Variants in LRP1B observed in about 807,000 individuals in gnomAD.
The protein encoded by LRP1B is LDL receptor related protein 1B, also known as low-density lipoprotein receptor-related protein 1B.
A neutral mutation model predicts 556.6 loss-of-function variants in LRP1B; 217 were observed. The observed-to-expected ratio is 0.39, with a 90% CI of 0.35 to 0.44. The LOEUF is 0.44. Among genes scored for constraint, LRP1B ranks in the 20% least tolerant of loss-of-function variants. The pLI is 1.00. For missense variants in LRP1B, 5,053 were observed against 5,620.8 expected, an observed-to-expected ratio of 0.90 and a Z score of 3.23; for synonymous variants, 2,047 against 1,865.8, an observed-to-expected ratio of 1.10 and a Z score of -2.50.
At chr2:141,757,029 T>C in intron 2 of LRP1B, among the ~76,000 whole-genome samples, 1 of 152,166 alleles carries the variant, frequency 6.6e-6, no homozygotes. Flanking sequence ...TATTTTTGCC[T>C]TTAGAAGCAT....
intron 87 of LRP1B, among the ~76,000 whole-genome samples, chr2:140,246,691 C>A (rs542704583): frequency 6.6e-6 from 1 of 151,604 alleles, no homozygotes; most frequent in South Asian, 2.1e-4. Context: ...CCCCCCAAGA[C>A]ACATTGAAAT....
At chr2:141,044,954 T>TA (rs1246672311) in intron 11 of LRP1B, among the ~76,000 whole-genome samples, 2 of 150,646 alleles carry the variant, frequency 1.3e-5, no homozygotes, top group Admixed American at 1.3e-4. Flanking sequence ...CATGCTGCTA[T>TA]AAAGACACAG....
chr2:140,887,887 G>A (rs922514107), intron 23 of LRP1B, among the ~76,000 whole-genome samples: 12 of 152,096 alleles, frequency 7.9e-5, no homozygotes, highest in East Asian at 1.9e-4. Flanking sequence ...TTCTAGGGCC[G>A]AGGGTAGGTA....
chr2:142,110,198 T>C (rs1248379170), intron 1 of LRP1B, among the ~76,000 whole-genome samples: 1 of 152,120 alleles, frequency 6.6e-6, no homozygotes, highest in Admixed American at 6.6e-5. Context: ...TTTCAAGAAG[T>C]AAAGTGGTAC....
At chr2:141,445,291 T>G (rs1681144655) in intron 3 of LRP1B, among the ~76,000 whole-genome samples, 1 of 152,232 alleles carries the variant, frequency 6.6e-6, no homozygotes, top group African/African-American at 2.4e-5. Context: ...TATCATTTTT[T>G]ATTGTGTCTA....
In LRP1B at chr2:141,229,410, A is replaced by G. The variant is rs1243252520; in HGVS notation, c.623T>C (p.Ile208Thr). Residue 208 changes from isoleucine (I) to threonine (T), a missense_variant, in exon 6 of 91, where the codon ATT becomes ACT. Ile to Thr is a moderately conservative substitution (Grantham distance 89). Around this residue, in one of 5 missense-constraint regions of LRP1B, gnomAD observed 3,619 missense variants for 3,931.9 expected, o/e 0.92. Transcript: ENST00000389484. Reference protein sequence around the residue: ...EPTDRPPILLIANFETIEVFY... With the variant: ...EPTDRPPILLTANFETIEVFY... ...AACCTCAATTGTTTCAAAATTTGCA[A>G]TTAATAGTATAGGTGGTCTATCTGT... 1 of 1,594,558 alleles carries G rather than the reference A, an allele frequency of 6.3e-7. No individual in the cohort carries two copies. Among genetic ancestry groups the G allele is most frequent in the African/African-American group, 1.3e-5 (1 of 74,392 alleles).
At chr2:140,249,825 A>G (rs11674722) in intron 86 of LRP1B, among the ~76,000 whole-genome samples, 22,063 of 151,826 alleles carry the variant, frequency 0.15, 2,062 homozygotes, top group East Asian at 0.32. Context: ...TATTTTTGTC[A>G]TCTTTATAGC....
chr2:141,652,993 G>T (rs1164262366), intron 2 of LRP1B, among the ~76,000 whole-genome samples: 1 of 152,102 alleles, frequency 6.6e-6, no homozygotes, highest in Admixed American at 6.6e-5. Context: ...GATGAGTGTT[G>T]CTTCTATATT....
At chr2:140,277,787 G>A (rs368503666) in intron 84 of LRP1B, among the ~76,000 whole-genome samples, 36 of 152,038 alleles carry the variant, frequency 2.4e-4, no homozygotes, top group African/African-American at 7.0e-4. Context: ...TCGTGGGAGA[G>A]AATGTTGGTG....
At position 141,005,299 on chromosome 2, in the gene LRP1B, C is replaced by A. The variant is rs769938662; in HGVS notation, c.2503+36G>T. On this transcript the variant is annotated intron_variant, in intron 15 of 90. Transcript: ENST00000389484. ...CTGCTTCTAGTCTTCAGAAAGAGCC[C>A]GATAAACAAATAAGGGTAACTTGAA... The A allele has an allele frequency of 1.7e-5, 27 of 1,600,006 alleles. No individual in the cohort carries two copies. In the South Asian group the frequency reaches 3.0e-4, roughly 18 times the overall value.
chr2:141,872,434 A>G (rs1698618251), intron 1 of LRP1B, among the ~76,000 whole-genome samples: 1 of 151,982 alleles, frequency 6.6e-6, no homozygotes, highest in South Asian at 2.1e-4. Context: ...TAGCAACACA[A>G]TAGACACAAC....
At chr2:140,280,231 G>A (rs912929701) in intron 84 of LRP1B, among the ~76,000 whole-genome samples, 4 of 151,846 alleles carry the variant, frequency 2.6e-5, no homozygotes, top group African/African-American at 9.6e-5. Flanking sequence ...TGTGAAATTT[G>A]TTGTTCAAAT....
intron 31 of LRP1B, among the ~76,000 whole-genome samples, chr2:140,834,447 C>T (rs1691829684): frequency 6.6e-6 from 1 of 152,260 alleles, no homozygotes; most frequent in South Asian, 2.1e-4. Flanking sequence ...ACCATTTTAG[C>T]CAGGATGATC....
At chr2:141,824,452 C>G (rs1696857414) in intron 1 of LRP1B, among the ~76,000 whole-genome samples, 1 of 152,162 alleles carries the variant, frequency 6.6e-6, no homozygotes, top group South Asian at 2.1e-4. Context: ...CTCCGCCTCC[C>G]AGGTTCACGC....
intron 2 of LRP1B, among the ~76,000 whole-genome samples, chr2:141,644,399 A>T (rs1017401237): frequency 4.6e-5 from 7 of 152,022 alleles, no homozygotes; most frequent in East Asian, 1.9e-4. Context: ...TTCCGCCATG[A>T]TAGTGAGGGC....
chr2:140,846,707 A>G (rs566562291), intron 29 of LRP1B, among the ~76,000 whole-genome samples: 1 of 152,286 alleles, frequency 6.6e-6, no homozygotes, highest in South Asian at 2.1e-4. Context: ...TCTCTCAAGA[A>G]GAAGCCCAAT....
At chr2:140,361,381 A>ATATATATATATAT (rs1682507591) in intron 72 of LRP1B, among the ~76,000 whole-genome samples, 1 of 33,846 alleles carries the variant, frequency 3.0e-5, no homozygotes, top group Non-Finnish European at 7.3e-5. Flanking sequence ...TATATATATA[A>ATATATATATATAT]CAAAAATAAG....
chr2:140,797,595 C>T (rs982309568), intron 32 of LRP1B, among the ~76,000 whole-genome samples: 1 of 151,988 alleles, frequency 6.6e-6, no homozygotes, highest in African/African-American at 2.4e-5. Context: ...TAATCTTATA[C>T]ACATGAAAGA....
At chr2:140,256,374 A>C (rs557008770) in intron 86 of LRP1B, among the ~76,000 whole-genome samples, 89 of 149,770 alleles carry the variant, frequency 5.9e-4, no homozygotes, top group African/African-American at 2.1e-3. Context: ...TCTCCCCCTT[A>C]AATCTCTCTT....
Sources: gnomAD v4.1 joint callset for allele counts (sites outside exome capture counted in the v4.1 genomes callset) on GRCh38, gnomAD v4.1.1 for gene constraint, gnomAD v4.1.1 regional missense constraint, MANE v1.5 for transcripts, NCBI Gene and HGNC (gene_info 2026-07-23, HGNC 2026-07-21) for gene names.